Variants in TUSC3 observed in about 807,000 individuals in gnomAD.
TUSC3 encodes tumor suppressor candidate 3.
Under a neutral mutation model 44.8 loss-of-function variants are expected in TUSC3, and 45 were observed. The observed-to-expected ratio is 1.00, with a 90% CI of 0.79 to 1.29. The LOEUF (loss-of-function observed/expected upper bound fraction) is 1.29. TUSC3 is among the 50% of genes most tolerant of loss of function. The pLI is 0.00. For missense variants in TUSC3, 519 were observed against 437.9 expected (o/e 1.19, Z -1.65); for synonymous variants, 212 against 152.9 (o/e 1.39, Z -2.85).
intron 7 of TUSC3, among the ~76,000 whole-genome samples, chr8:15,736,537 A>G (rs747904324): frequency 6.6e-6 from 1 of 152,182 alleles, no homozygotes; most frequent in Non-Finnish European, 1.5e-5. Flanking sequence ...TCAAAACCTC[A>G]TGTATGATTT....
At chr8:15,555,139 CTT>C (rs60676527) in intron 1 of TUSC3, among the ~76,000 whole-genome samples, 15,152 of 93,264 alleles carry the variant, frequency 0.16, 670 homozygotes, top group Non-Finnish European at 0.18. Context: ...TAATAGCAGT[CTT>C]TTTTTTTTTT....
Position 15,540,300 on chromosome 8 carries a change from C to A in TUSC3, c.-131C>A. 2.3e-6 allele frequency: 3 copies of A among 1,279,872 alleles called. No individual in the cohort carries two copies. Among genetic ancestry groups the A allele is most frequent in the Non-Finnish European group, 3.0e-6 (3 of 992,048 alleles). 79.3% of individuals were successfully genotyped at this position (1,279,872 alleles called of 1,614,324 possible). A position where few individuals can be genotyped will look rare whatever the true frequency, so the allele number is the denominator to read the frequency against. On this transcript the variant is annotated 5_prime_UTR_variant, in exon 1 of 11. Coordinates refer to ENST00000503731, the MANE Select transcript of TUSC3 (RefSeq NM_006765.4). ...TGCGTCCTCGGCCGCGGCCCGGGTC[C>A]CTCGCAAAGCCGCTGCCATCCCGGA...
At chr8:15,534,191 T>A (rs956878810) in intron 2 of TUSC3, among the ~76,000 whole-genome samples, 3 of 152,122 alleles carry the variant, frequency 2.0e-5, no homozygotes, top group Non-Finnish European at 4.4e-5. Context: ...AATTATGAGA[T>A]AAAATGAAAA....
intron 2 of TUSC3, among the ~76,000 whole-genome samples, chr8:15,647,584 G>A (rs902006066): frequency 2.0e-5 from 3 of 151,960 alleles, no homozygotes; most frequent in Non-Finnish European, 2.9e-5. Context: ...TCTTCTCTCC[G>A]TGCTACCTCA....
chr8:15,441,036 T>A (rs904012525), intron 1 of TUSC3, among the ~76,000 whole-genome samples: 1 of 152,234 alleles, frequency 6.6e-6, no homozygotes, highest in Non-Finnish European at 1.5e-5. Context: ...CATTTTTGTT[T>A]AAGCTAATTT....
chr8:15,617,957 G>A (rs746259287), intron 1 of TUSC3, among the ~76,000 whole-genome samples: 1 of 152,130 alleles, frequency 6.6e-6, no homozygotes, highest in South Asian at 2.1e-4. Context: ...GTACAAAGCT[G>A]TACACAATAG....
At chr8:15,759,388 G>A (rs62503678) in intron 10 of TUSC3, among the ~76,000 whole-genome samples, 6,502 of 151,954 alleles carry the variant, frequency 0.043, 176 homozygotes, top group Non-Finnish European at 0.067. Context: ...GAACTTAACC[G>A]GCTTCCACTT....
chr8:15,642,668 T>C (rs1806430043), intron 2 of TUSC3, among the ~76,000 whole-genome samples: 1 of 152,174 alleles, frequency 6.6e-6, no homozygotes, highest in African/African-American at 2.4e-5. Flanking sequence ...TTTCCTCATT[T>C]TGACTTCTCA....
chr8:15,623,557 C>T (rs1476331749), intron 2 of TUSC3, among the ~76,000 whole-genome samples: 2 of 151,438 alleles, frequency 1.3e-5, no homozygotes, highest in African/African-American at 4.9e-5. Flanking sequence ...GAAGTAGCCC[C>T]CTTAAATATA....
chr8:15,466,751 C>T (rs975605965), intron 1 of TUSC3, among the ~76,000 whole-genome samples: 1 of 152,052 alleles, frequency 6.6e-6, no homozygotes, highest in Non-Finnish European at 1.5e-5. Flanking sequence ...TTTTAAAAAT[C>T]AAGTCATCTT....
At chr8:15,791,662 T>G in the TUSC3 span, among the ~76,000 whole-genome samples, 2 of 152,208 alleles carry the variant, frequency 1.3e-5, no homozygotes, top group African/African-American at 2.4e-5. Flanking sequence ...ATTTCCTTTC[T>G]TCTTGTCTCA....
At chr8:15,476,930 G>C (rs1291708575) in intron 1 of TUSC3, among the ~76,000 whole-genome samples, 1 of 152,180 alleles carries the variant, frequency 6.6e-6, no homozygotes, top group African/African-American at 2.4e-5. Context: ...TGTTGTGGAA[G>C]GCAGCCAATC....
At chr8:15,596,541 C>T (rs1804075031) in intron 1 of TUSC3, among the ~76,000 whole-genome samples, 1 of 152,064 alleles carries the variant, frequency 6.6e-6, no homozygotes, top group South Asian at 2.1e-4. Context: ...GAACCAATAC[C>T]CTGTGCATAC....
chr8:15,638,334 C>T (rs964736739), intron 2 of TUSC3, among the ~76,000 whole-genome samples: 11 of 151,938 alleles, frequency 7.2e-5, no homozygotes, highest in African/African-American at 2.2e-4. Context: ...ACTGTACTGG[C>T]ATTAGTAGTT....
chr8:15,728,057 T>C (rs182418436), intron 6 of TUSC3, among the ~76,000 whole-genome samples: 1 of 152,228 alleles, frequency 6.6e-6, no homozygotes, highest in African/African-American at 2.4e-5. Context: ...AAGGACAAAG[T>C]GTGATTTATT....
intron 1 of TUSC3, among the ~76,000 whole-genome samples, chr8:15,443,710 T>G (rs1476797669): frequency 6.6e-6 from 1 of 152,128 alleles, no homozygotes; most frequent in African/African-American, 2.4e-5. Flanking sequence ...ACTAACAAAC[T>G]AGCCACAAGA....
rs143444660 is a variant in TUSC3, at chr8:15,617,120, A to ATGTGTGTGTGTGTG, written c.139-5947_139-5946insGTGTGTGTGTGTGT. 4.1e-3 allele frequency among the ~76,000 whole-genome samples: 512 copies of ATGTGTGTGTGTGTG among 123,734 alleles called. 9 individuals are homozygous for ATGTGTGTGTGTGTG. Among genetic ancestry groups the ATGTGTGTGTGTGTG allele is most frequent in the East Asian group, 0.014 (59 of 4,080 alleles). The allele number at this position is 123,734 out of a possible 152,430, so 81.2% of individuals were successfully genotyped here. ...ATTTGTTTCTGTATCTATCTGTAAA[A>ATGTGTGTGTGTGTG]TGTGTGTGTGTGTATATATTTTTTT... is the stretch of plus-strand genomic sequence containing the variant. On this transcript the variant is annotated intron_variant, in intron 1 of 10. Coordinates refer to ENST00000503731, the MANE Select transcript of TUSC3 (RefSeq NM_006765.4).
chr8:15,653,164 C>T (rs1432590616), intron 3 of TUSC3, among the ~76,000 whole-genome samples: 2 of 152,084 alleles, frequency 1.3e-5, no homozygotes, highest in Non-Finnish European at 2.9e-5. Flanking sequence ...TCCTTGGTGT[C>T]ATTGTTGAGG....
At chr8:15,528,112 T>A (rs1197902363) in intron 2 of TUSC3, among the ~76,000 whole-genome samples, 1 of 152,178 alleles carries the variant, frequency 6.6e-6, no homozygotes, top group African/African-American at 2.4e-5. Flanking sequence ...CCTTTACCAA[T>A]AAAACATAAT....
Sources: gnomAD v4.1 joint callset for allele counts (sites outside exome capture counted in the v4.1 genomes callset) on GRCh38, gnomAD v4.1.1 for gene constraint, MANE v1.5 for transcripts, NCBI Gene and HGNC (gene_info 2026-07-23, HGNC 2026-07-21) for gene names.